Variants in HACL1 observed in about 807,000 individuals in gnomAD.
HACL1 encodes 1600020H07Rik.
A neutral mutation model predicts 74.2 loss-of-function variants in HACL1; 64 were observed. The ratio of observed to expected loss-of-function variants is 0.86; its 90% CI spans 0.70 to 1.06. The LOEUF (loss-of-function observed/expected upper bound fraction) is 1.06. Among genes scored for constraint, HACL1 ranks in the 50% least tolerant of loss-of-function variants. The pLI, the probability that HACL1 is intolerant of heterozygous loss-of-function variation, is 0.00. For missense variants in HACL1, 728 were observed against 719.7 expected, an observed-to-expected ratio of 1.01 and a Z score of -0.13; for synonymous variants, 230 against 238.8, an observed-to-expected ratio of 0.96 and a Z score of 0.34.
chr3:15,571,798 A>C lies in HACL1; in HGVS notation c.994-29T>G, dbSNP rs766996186. 1.7e-4 allele frequency: 120 copies of C among 712,826 alleles called. 1 individual carries two copies. Among genetic ancestry groups the C allele is most frequent in the Admixed American group, 1.7e-3 (59 of 35,682 alleles). The allele number at this position is 712,826 out of a possible 1,614,324, so 44.2% of individuals were successfully genotyped here. On this transcript the variant is annotated intron_variant, in intron 11 of 16. Coordinates refer to ENST00000321169, the MANE Select transcript of HACL1 (RefSeq NM_012260.4). ...AAAAAAAAAAAAACACACACACACA[A>C]ACACATAAACTTTTTCTTTGCCTTT...
intron 2 of HACL1, among the ~76,000 whole-genome samples, chr3:15,600,614 A>C (rs1048755433): frequency 6.6e-6 from 1 of 152,190 alleles, no homozygotes; most frequent in African/African-American, 2.4e-5. Context: ...CCCCGAACCA[A>C]TCATACAACA....
chr3:15,594,072 T>C (rs372030343), intron 3 of HACL1, among the ~76,000 whole-genome samples: 1 of 152,184 alleles, frequency 6.6e-6, no homozygotes, highest in Non-Finnish European at 1.5e-5. Flanking sequence ...GTGCTGGGAT[T>C]ACAGGCATGA....
At chr3:15,571,852 T>C in intron 11 of HACL1, 83 bp from the exon 12 acceptor site, 1 of 616,178 alleles carries the variant, frequency 1.6e-6, no homozygotes. Flanking sequence ...TTTTTTTTTT[T>C]TTTTTGAGAC....
chr3:15,582,413 A>T (rs1227471606), intron 8 of HACL1, among the ~76,000 whole-genome samples: 1 of 152,236 alleles, frequency 6.6e-6, no homozygotes, highest in Non-Finnish European at 1.5e-5. Context: ...GTAAGTGTTA[A>T]CGTACACATG....
chr3:15,570,706 T>C (rs17485390), intron 12 of HACL1, among the ~76,000 whole-genome samples: 26,930 of 151,820 alleles, frequency 0.18, 3,044 homozygotes, highest in Non-Finnish European at 0.25. Flanking sequence ...GTGCTAGTAG[T>C]AGACAGTTTG....
In HACL1 at chr3:15,567,930, T is replaced by G. The variant is rs763113040; in HGVS notation, c.1323A>C (p.Lys441Asn). 6.2e-7 allele frequency: 1 copy of G among 1,614,008 alleles called. No individual in the cohort carries two copies. The highest frequency in any genetic ancestry group is 1.1e-5 in the South Asian group (1 of 91,078). The change falls in exon 14 of 17, where the codon AAA becomes AAC. Residue 441 changes from lysine (K) to asparagine (N), a missense_variant. Physicochemically the swap from Lys to Asn is moderately conservative, Grantham distance 94. Transcript: ENST00000321169. ...TGATCCATTGCCCAGGGCTTCTATC[T>G]TTAGCCACCACGGCAGCTGCAATAG... is the stretch of plus-strand genomic sequence containing the variant. ...GFAIAAAVVA[K>N]DRSPGQWIIC...
intron 4 of HACL1, 109 bp downstream of exon 4, chr3:15,591,491 G>C: frequency 1.7e-6 from 1 of 575,238 alleles, no homozygotes; most frequent in Admixed American, 3.2e-5. Context: ...GAATTGAAGG[G>C]GTTTTTTTTT....
At chr3:15,599,849 A>AC (rs1322034320) in intron 2 of HACL1, among the ~76,000 whole-genome samples, 5 of 152,240 alleles carry the variant, frequency 3.3e-5, no homozygotes, top group Admixed American at 6.5e-5. Context: ...TACAGTACTT[A>AC]GTCAATAAAT....
chr3:15,567,377 T>A (rs962507778), intron 14 of HACL1, among the ~76,000 whole-genome samples: 1 of 133,424 alleles, frequency 7.5e-6, no homozygotes, highest in African/African-American at 3.1e-5. Flanking sequence ...GTCTGGCTAA[T>A]TTTTTTTTTT....
chr3:15,582,839 CA>C (rs2063735447), intron 8 of HACL1, 37 bp downstream of exon 8: 7 of 1,049,496 alleles, frequency 6.7e-6, no homozygotes, highest in Non-Finnish European at 8.8e-6. Flanking sequence ...TTGGCACTTT[CA>C]AAAGCCTAGC....
chr3:15,571,456 C>T (rs1364135088), intron 12 of HACL1, among the ~76,000 whole-genome samples: 2 of 152,110 alleles, frequency 1.3e-5, no homozygotes, highest in Non-Finnish European at 2.9e-5. Flanking sequence ...CCATTTAACA[C>T]GTTTAAAACA....
intron 5 of HACL1, among the ~76,000 whole-genome samples, chr3:15,587,636 C>T (rs1443554399): frequency 6.6e-6 from 1 of 152,190 alleles, no homozygotes; most frequent in Non-Finnish European, 1.5e-5. Flanking sequence ...ATAGTTTCTG[C>T]AGTAACTTTA....
intron 3 of HACL1, among the ~76,000 whole-genome samples, chr3:15,592,190 ACGTATATATGTATACATG>A (rs1361442377): frequency 6.7e-6 from 1 of 149,648 alleles, no homozygotes; most frequent in Non-Finnish European, 1.5e-5. Flanking sequence ...ATGTATACAT[ACGTATATATGTATACATG>A]CGTGTATATA....
At chr3:15,586,411 C>A in intron 6 of HACL1, 114 bp downstream of exon 6, 1 of 605,984 alleles carries the variant, frequency 1.7e-6, no homozygotes, top group Non-Finnish European at 3.0e-6. Flanking sequence ...CCATTTTTAA[C>A]TGCCTGGGTA....
chr3:15,575,103 A>T, intron 9 of HACL1, 21 bp from the exon 10 acceptor site: 1 of 1,114,030 alleles, frequency 9.0e-7, no homozygotes. Flanking sequence ...AATTGATATG[A>T]AAGTATAACT....
intron 9 of HACL1, among the ~76,000 whole-genome samples, chr3:15,575,541 C>CTT (rs11396864): frequency 6.6e-6 from 1 of 151,810 alleles, no homozygotes; most frequent in African/African-American, 2.4e-5. Context: ...GTCTCATACA[C>CTT]TTTTTTTATT....
At chr3:15,589,391 G>T in intron 5 of HACL1, 149 bp downstream of exon 5, 1 of 532,172 alleles carries the variant, frequency 1.9e-6, no homozygotes. Flanking sequence ...CAGCTGCTTG[G>T]GAGGCTGAGG....
At chr3:15,597,320 C>T (rs571525088) in intron 2 of HACL1, among the ~76,000 whole-genome samples, 7 of 152,220 alleles carry the variant, frequency 4.6e-5, no homozygotes, top group South Asian at 2.1e-4. Context: ...ATATACTGCA[C>T]GCTTTCAATC....
intron 2 of HACL1, among the ~76,000 whole-genome samples, chr3:15,599,285 A>C (rs2064130908): frequency 6.6e-6 from 1 of 152,202 alleles, no homozygotes. Context: ...AGAACCCTCA[A>C]CTAAGCTTAT....
Sources: allele counts gnomAD v4.1 joint callset (sites outside exome capture counted in the v4.1 genomes callset), GRCh38; gene constraint gnomAD v4.1.1; transcripts MANE v1.5; gene names NCBI Gene and HGNC (gene_info 2026-07-23, HGNC 2026-07-21).